Variants in WNK1 observed in about 807,000 individuals in gnomAD.
The protein encoded by WNK1 is serine/threonine-protein kinase WNK1.
In WNK1, 38 loss-of-function variants were observed where a neutral mutation model predicts 222.8. The observed-to-expected ratio is 0.17, with a 90% CI of 0.13 to 0.22. The LOEUF (loss-of-function observed/expected upper bound fraction) is 0.22, where lower values mean the gene tolerates loss of function less well. Among genes scored for constraint, WNK1 ranks in the 10% least tolerant of loss-of-function variants. The pLI is 1.00. For synonymous variants in WNK1, 1,090 were observed against 1,092.9 expected (o/e 1.00, Z 0.05); for missense variants, 2,348 against 2,918.4 (o/e 0.80, Z 4.50).
In WNK1 at chr12:783,572, G is replaced by A. The variant is rs141406998; in HGVS notation, c.759+29248G>A. 3.3e-3 allele frequency among the ~76,000 whole-genome samples: 473 copies of A among 144,866 alleles called. 5 individuals are homozygous for A. The highest frequency in any genetic ancestry group is 0.012 in the African/African-American group (458 of 38,582). On this transcript the variant is annotated intron_variant, in intron 1 of 27. Transcript: ENST00000315939. ...GCTACCTCGGAGGCTGAGGTGGGAG[G>A]ATTGCTTGAGCCCAGGAGTTTGAGA...
At chr12:870,555 G>A (rs12305739) in intron 8 of WNK1, among the ~76,000 whole-genome samples, 23,974 of 152,176 alleles carry the variant, frequency 0.16, 1,889 homozygotes, top group Admixed American at 0.2. Flanking sequence ...GAGAAACACT[G>A]TAGTTGGGGT....
Position 879,772 on chromosome 12 carries a change from T to A in WNK1, c.2573T>A (p.Phe858Tyr). 6.2e-7 allele frequency: 1 copy of A among 1,614,098 alleles called. No homozygotes were observed. Among genetic ancestry groups the A allele is most frequent in the South Asian group, 1.1e-5 (1 of 91,072 alleles). Residue 858 changes from phenylalanine (F) to tyrosine (Y), a missense_variant, in exon 11 of 28, where the codon TTC becomes TAC. This residue lies in a region of WNK1 where 547 missense variants were observed against 558.3 expected (regional missense o/e 0.98). Transcript: ENST00000315939. ...CATGTGTCTACGGCTCAGACAGGTT[T>A]CTCATCCCTTCCCATCACAATGGCA... ...TPHVSTAQTG[F>Y]SSLPITMAAG...
rs1169897593 is a variant in WNK1 at position 753,828 on chromosome 12, C to G, written c.263C>G (p.Ser88Cys). ...RFFRRSVICDSNATALELPGL... is the reference protein window; with the variant it reads ...RFFRRSVICDCNATALELPGL... ...TTCCGCCGGAGCGTCATCTGTGACT[C>G]CAATGCCACTGCACTGGAGCTTCCC... The change falls in exon 1 of 28, where the codon TCC becomes TGC. Residue 88 changes from serine (S) to cysteine (C), a missense_variant. By Grantham distance (112) the Ser-to-Cys change is moderately radical. Coordinates refer to ENST00000315939, the MANE Select transcript of WNK1 (RefSeq NM_018979.4). The surrounding 1 kb of genome is among the most constrained non-coding windows in gnomAD (Gnocchi z 5.2). 6.2e-7 allele frequency: 1 copy of G among 1,612,780 alleles called. No individual in the cohort carries two copies. The highest frequency in any genetic ancestry group is 8.5e-7 in the Non-Finnish European group (1 of 1,179,980).
chr12:814,080 G>A (rs1442802251), intron 2 of WNK1, among the ~76,000 whole-genome samples: 3 of 151,550 alleles, frequency 2.0e-5, no homozygotes, highest in Non-Finnish European at 4.4e-5. Flanking sequence ...TTGGGAGGCC[G>A]GGGCAGGCGG....
chr12:798,472 G>A (rs756312842), intron 1 of WNK1, among the ~76,000 whole-genome samples: 2 of 152,142 alleles, frequency 1.3e-5, no homozygotes, highest in Non-Finnish European at 2.9e-5. Flanking sequence ...GATGACAGGC[G>A]TGAGCCACCA....
At chr12:758,581 G>A (rs1158708417) in intron 1 of WNK1, among the ~76,000 whole-genome samples, 1 of 145,212 alleles carries the variant, frequency 6.9e-6, no homozygotes, top group African/African-American at 2.5e-5. Context: ...TAGAGACGGG[G>A]TTTCACCTTG....
intron 1 of WNK1, among the ~76,000 whole-genome samples, chr12:769,680 G>A (rs950295507): frequency 6.6e-6 from 1 of 152,188 alleles, no homozygotes; most frequent in Non-Finnish European, 1.5e-5. Context: ...CTGGGTGCCA[G>A]GTGTGCTCGG....
chr12:767,129 C>G (rs796401629), intron 1 of WNK1, among the ~76,000 whole-genome samples: 2 of 151,370 alleles, frequency 1.3e-5, no homozygotes, highest in African/African-American at 4.9e-5. Flanking sequence ...GGTTCATGCT[C>G]TCTTACACCA....
rs1942281450 is a variant in WNK1 at position 770,023 on chromosome 12, G to A, written c.759+15699G>A. Among the ~76,000 whole-genome samples, 6 of 151,788 alleles carry A rather than the reference G, an allele frequency of 4.0e-5. No individual in the cohort carries two copies. The South Asian group carries it at 1.3e-3, about 32-fold the overall frequency. ...AGTTTCACTCTTGTTGCCCAGGCTG[G>A]AGTGCAATGGCGTGATCTCAGCCCA... On this transcript the variant is annotated intron_variant, in intron 1 of 27. Transcript: ENST00000315939.
rs765231847 is a variant in WNK1 at position 885,038 on chromosome 12, G to A, written c.4234G>A (p.Val1412Ile). Residue 1412 changes from valine (V) to isoleucine (I), a missense_variant, in exon 19 of 28, where the codon GTA (valine) becomes ATA (isoleucine). By Grantham distance (29) the Val-to-Ile change is conservative. Transcript: ENST00000315939. ...PVSESPVLSS[V>I]VSSITIPAVV... Reference sequence around the variant, plus strand: ...GTCTGAATCACCAGTACTTTCCAGCGTAGTTTCAAGTATCACAATACCTGC... The same window carrying A: ...GTCTGAATCACCAGTACTTTCCAGCATAGTTTCAAGTATCACAATACCTGC... The A allele has an allele frequency of 1.5e-5, 24 of 1,614,072 alleles. No individual in the cohort carries two copies. Among genetic ancestry groups the A allele is most frequent in the African/African-American group, 4.0e-5 (3 of 74,914 alleles).
Position 884,233 on chromosome 12 carries a change from A to T in WNK1, c.3834A>T (p.Ile1278=), listed in dbSNP as rs1257141604. ...AATCAAAAGTTTTCCCCAGTGAAAT[A>T]ACAGATACAGGTAAGGGATTGATTC... ...LRESKVFPSE[I]TDTVAASTAQ... Residue 1278 remains isoleucine, a synonymous_variant, in exon 18 of 28, where the codon ATA becomes ATT. Transcript: ENST00000315939. This position sits in a 1 kb window ranked among gnomAD's most constrained non-coding sequence, Gnocchi z 5.6. The T allele has an allele frequency of 9.3e-6, 15 of 1,614,160 alleles. No individual in the cohort carries two copies. The highest frequency in any genetic ancestry group is 1.3e-5 in the Non-Finnish European group (15 of 1,179,996).
Position 762,938 on chromosome 12 carries a change from G to A in WNK1, c.759+8614G>A, listed in dbSNP as rs563970593. Among the ~76,000 whole-genome samples the A allele has an allele frequency of 9.6e-5, 14 of 146,500 alleles. No homozygotes were observed. In the East Asian group the frequency reaches 2.6e-3, roughly 27 times the overall value. On this transcript the variant is annotated intron_variant, in intron 1 of 27. Coordinates refer to ENST00000315939, the MANE Select transcript of WNK1 (RefSeq NM_018979.4). ...ATTTTGTATTTTTAGTAGAGGTGGGGTTTCTCCATGTTGGTCAGGCTGGTC... is the reference window on the plus strand; with the variant it reads ...ATTTTGTATTTTTAGTAGAGGTGGGATTTCTCCATGTTGGTCAGGCTGGTC...
At chr12:848,495 A>ATTT (rs1950187201) in intron 4 of WNK1, among the ~76,000 whole-genome samples, 2 of 42,850 alleles carry the variant, frequency 4.7e-5, no homozygotes, top group African/African-American at 7.5e-5. Flanking sequence ...GCCAGTAAAA[A>ATTT]CTTTTTTTTT....
intron 1 of WNK1, among the ~76,000 whole-genome samples, chr12:802,109 C>T (rs1945939768): frequency 6.6e-6 from 1 of 152,050 alleles, no homozygotes; most frequent in Non-Finnish European, 1.5e-5. Context: ...TATAATTGGG[C>T]ATTATTATCC....
intron 26 of WNK1, chr12:906,709 C>T: frequency 1.0e-6 from 1 of 985,280 alleles, no homozygotes; most frequent in Non-Finnish European, 1.2e-6. Context: ...CTTTTCTGAA[C>T]ACAGCATGCT....
At chr12:871,803 A>G (rs1952176465) in intron 9 of WNK1, among the ~76,000 whole-genome samples, 1 of 152,138 alleles carries the variant, frequency 6.6e-6, no homozygotes, top group Admixed American at 6.5e-5. Flanking sequence ...GGGTTTCACC[A>G]TGCTGGCCAG....
At chr12:779,410 C>T (rs75991706) in intron 1 of WNK1, among the ~76,000 whole-genome samples, 11,921 of 103,976 alleles carry the variant, frequency 0.11, 579 homozygotes, top group Non-Finnish European at 0.12. Context: ...TTTTTTTTTT[C>T]TTTTTTTTTT....
At chr12:830,295 G>T (rs1948691455) in intron 4 of WNK1, 135 bp downstream of exon 4, 2 of 983,016 alleles carry the variant, frequency 2.0e-6, no homozygotes, top group African/African-American at 1.6e-5. Flanking sequence ...TGGGGGGGTG[G>T]TGTTGAGGTA....
At chr12:856,186 G>A (rs377442939) in intron 4 of WNK1, among the ~76,000 whole-genome samples, 2 of 151,556 alleles carry the variant, frequency 1.3e-5, no homozygotes, top group Non-Finnish European at 1.5e-5. Context: ...GGTGGCTCAC[G>A]CCTGTAATCC....
Sources: allele counts gnomAD v4.1 joint callset (sites outside exome capture counted in the v4.1 genomes callset), GRCh38; gene constraint gnomAD v4.1.1; regional missense constraint gnomAD v4.1.1; non-coding constraint Gnocchi (gnomAD v3.1); transcripts MANE v1.5; gene names NCBI Gene and HGNC (gene_info 2026-07-23, HGNC 2026-07-21).